The following ATG2A variants were observed in gnomAD, a reference collection of about 807,000 sequenced individuals.
The protein encoded by ATG2A is autophagy-related protein 2 homolog A.
Under a neutral mutation model 214.2 loss-of-function variants are expected in ATG2A, and 103 were observed. That is an observed-to-expected ratio of 0.48 (90% CI 0.41 to 0.57). The LOEUF (loss-of-function observed/expected upper bound fraction) is 0.57, where lower values mean the gene tolerates loss of function less well. Among genes scored for constraint, ATG2A ranks in the 20% least tolerant of loss-of-function variants. The pLI is 0.00. For missense variants in ATG2A, 2,312 were observed against 2,613.2 expected, an observed-to-expected ratio of 0.88 and a Z score of 2.51; for synonymous variants, 1,160 against 1,142.1, an observed-to-expected ratio of 1.02 and a Z score of -0.32.
chr11:64,907,520 C>T lies in ATG2A; in HGVS notation c.2647+5G>A. The T allele has an allele frequency of 6.2e-7, 1 of 1,612,764 alleles. No individual in the cohort carries two copies. Among genetic ancestry groups the T allele is most frequent in the Non-Finnish European group, 8.5e-7 (1 of 1,179,716 alleles). The stretch of plus-strand genomic sequence containing the variant: ...CCTCTAGCCCAGCGTTAGCACCTCT[C>T]ATACCCAGCTTGAAGGCTGACTTGC... On this transcript the variant is annotated splice_donor_5th_base_variant and intron_variant, in intron 18 of 40. Transcript: ENST00000377264.
chr11:64,899,271 G>A (rs1443993665), intron 31 of ATG2A, among the ~76,000 whole-genome samples: 1 of 152,134 alleles, frequency 6.6e-6, no homozygotes, highest in African/African-American at 2.4e-5. Flanking sequence ...CCCTGCTCTT[G>A]CTTCCCATGC....
chr11:64,900,555 CA>C lies in ATG2A; in HGVS notation c.4402del (p.Trp1468GlyfsTer19). On this transcript the variant is annotated frameshift_variant, in exon 31 of 41. Coordinates refer to ENST00000377264, the MANE Select transcript of ATG2A (RefSeq NM_015104.3). LOFTEE classifies it high-confidence loss of function. ...CSGPNRPQNSWRTQGGSGRQH... is the reference protein window; with the variant it reads ...CSGPNRPQNSXRTQGGSGRQH... The stretch of plus-strand genomic sequence containing the variant: ...CCGCCCGCTGCCCCCCTGCGTGCGC[CA>C]TGAGTTCTGGGGCCGGTTGGGGCCA... The C allele has an allele frequency of 6.2e-7, 1 of 1,613,454 alleles. No homozygotes were observed. Among genetic ancestry groups the C allele is most frequent in the Non-Finnish European group, 8.5e-7 (1 of 1,180,022 alleles).
chr11:64,910,174 C>A lies in ATG2A; in HGVS notation c.1729G>T (p.Ala577Ser). ...GCCAGTTCTGAGTGGCAATGGCAGG[C>A]AACTGAGCGCCGGGGTCGGCTCTGA... ...VPKSRPRRSV[A>S]CHCHSELALD... The change falls in exon 13 of 41, where the codon GCC becomes TCC. Residue 577 changes from alanine (A) to serine (S), a missense_variant. Transcript: ENST00000377264. 1.2e-6 allele frequency: 2 copies of A among 1,605,830 alleles called. No homozygotes were observed. Among genetic ancestry groups the A allele is most frequent in the Non-Finnish European group, 1.7e-6 (2 of 1,176,800 alleles).
In ATG2A at chr11:64,913,489, G is replaced by C. The variant is rs547244547; in HGVS notation, c.591-88C>G. The C allele has an allele frequency of 2.2e-5, 32 of 1,434,446 alleles. No individual in the cohort carries two copies. In the African/African-American group the frequency reaches 3.3e-4, roughly 15 times the overall value. 88.9% of individuals were successfully genotyped at this position (1,434,446 alleles called of 1,614,324 possible). A position where few individuals can be genotyped will look rare whatever the true frequency, so the allele number is the denominator to read the frequency against. ...CAGTGCTCTGCTCTAGGGGCACGGG[G>C]TCAGGGAGCCTAGCCTGCAGAGCTG... On this transcript the variant is annotated intron_variant, in intron 4 of 40. Coordinates refer to ENST00000377264, the MANE Select transcript of ATG2A (RefSeq NM_015104.3). The surrounding 1 kb of genome is among the most constrained non-coding windows in gnomAD (Gnocchi z 4.3).
At position 64,913,119 on chromosome 11, in the gene ATG2A, G is replaced by A. The variant is rs746665485; in HGVS notation, c.744C>T (p.Pro248=). Residue 248 remains proline (P), a synonymous_variant, in exon 6 of 41, where the codon CCC becomes CCT. Coordinates refer to ENST00000377264, the MANE Select transcript of ATG2A (RefSeq NM_015104.3). The surrounding 1 kb of genome is among the most constrained non-coding windows in gnomAD (Gnocchi z 4.3). The part of the protein sequence containing the change: ...ELPAQEEPPE[P]PLQIGSCSGY... ...CTGAGCAGCTGCCGATCTGCAAGGG[G>A]GGCTCTGGAGGCTCTTCCTGGGAGA... 1.8e-5 allele frequency: 29 copies of A among 1,578,880 alleles called. 1 individual carries two copies. In the South Asian group the frequency reaches 3.1e-4, roughly 17 times the overall value.
chr11:64,903,566 G>T lies in ATG2A; in HGVS notation c.3535+24C>A, dbSNP rs1173121747. On this transcript the variant is annotated intron_variant, in intron 25 of 40. Coordinates refer to ENST00000377264, the MANE Select transcript of ATG2A (RefSeq NM_015104.3). This position sits in a 1 kb window ranked among gnomAD's most constrained non-coding sequence, Gnocchi z 4.2. ...GGGCGGTGGTCCCTCAGAGGGGAGG[G>T]AGCCCAGTCCCGGCCCTGCCCACCT... The T allele has an allele frequency of 1.3e-6, 2 of 1,536,362 alleles. No individual in the cohort carries two copies. Among genetic ancestry groups the T allele is most frequent in the Non-Finnish European group, 1.8e-6 (2 of 1,137,582 alleles).
At position 64,894,729 on chromosome 11, in the gene ATG2A, TG is replaced by T. The variant is rs1332706978; in HGVS notation, c.*243del. 4 of 699,008 alleles carry T rather than the reference TG, an allele frequency of 5.7e-6. 1 individual carries two copies. The South Asian group carries it at 6.0e-5, about 10-fold the overall frequency. 43.3% of individuals were successfully genotyped at this position (699,008 alleles called of 1,614,324 possible). A position where few individuals can be genotyped will look rare whatever the true frequency, so the allele number is the denominator to read the frequency against. ...TCCGTCCTGGGAGAAGGCAGCAGTG[TG>T]GGCCCAGGTCGGGGGAGGGGCAGTG... On this transcript the variant is annotated 3_prime_UTR_variant, in exon 41 of 41. Coordinates refer to ENST00000377264, the MANE Select transcript of ATG2A (RefSeq NM_015104.3).
At position 64,898,204 on chromosome 11, in the gene ATG2A, C is replaced by T. The variant is rs1944224151; in HGVS notation, c.4774-34G>A. The T allele has an allele frequency of 6.8e-6, 11 of 1,613,818 alleles. No homozygotes were observed. Among genetic ancestry groups the T allele is most frequent in the Non-Finnish European group, 6.8e-6 (8 of 1,179,804 alleles). On this transcript the variant is annotated intron_variant, in intron 33 of 40. Transcript: ENST00000377264. This position sits in a 1 kb window ranked among gnomAD's most constrained non-coding sequence, Gnocchi z 4.5. ...GAGAGGTCCAGATGTGGATCAGACT[C>T]AGAGGCCTGGAGACAGTGGGGTCAC...
chr11:64,912,569 C>A (rs1944817163), intron 6 of ATG2A, 146 bp from the exon 7 acceptor site: 2 of 636,872 alleles, frequency 3.1e-6, no homozygotes, highest in Admixed American at 6.4e-5. Flanking sequence ...AACCAGGCCA[C>A]AACTTGACCT....
Position 64,896,600 on chromosome 11 carries a change from G to A in ATG2A, c.5289C>T (p.Asp1763=), listed in dbSNP as rs1208793979. The A allele has an allele frequency of 1.2e-6, 2 of 1,613,946 alleles. No homozygotes were observed. Among genetic ancestry groups the A allele is most frequent in the Admixed American group, 3.3e-5 (2 of 60,030 alleles). ...SVVQLFQGFR[D]LLWLPIEQYR... ...ACTGCTCAATGGGCAGCCACAGCAGGTCCCGGAACCCTTGGACTAGGGGGA... is the reference window on the plus strand; with the variant it reads ...ACTGCTCAATGGGCAGCCACAGCAGATCCCGGAACCCTTGGACTAGGGGGA... The change falls in exon 39 of 41, where the codon GAC becomes GAT. Residue 1763 remains aspartate (D), a synonymous_variant. Transcript: ENST00000377264.
chr11:64,912,816 C>A (rs1424820880), intron 6 of ATG2A: 2 of 506,774 alleles, frequency 3.9e-6, no homozygotes, highest in East Asian at 3.6e-5. Context: ...TGGTCTCGAA[C>A]TCCTGACCTC....
chr11:64,900,148 A>G (rs760194167), intron 31 of ATG2A, among the ~76,000 whole-genome samples: 5 of 151,256 alleles, frequency 3.3e-5, no homozygotes, highest in Non-Finnish European at 5.9e-5. Flanking sequence ...TTACAGGCAT[A>G]AGCCACCATG....
At chr11:64,909,231 A>C in intron 15 of ATG2A, 40 bp downstream of exon 15, 1 of 1,612,020 alleles carries the variant, frequency 6.2e-7, no homozygotes, top group South Asian at 1.1e-5. Context: ...CCCCCAGCAG[A>C]ACCCTCCTCT....
In ATG2A at chr11:64,907,529, C is replaced by G. The variant is rs1213707512; in HGVS notation, c.2643G>C (p.Lys881Asn). ...CAGCGTTAGCACCTCTCATACCCAGCTTGAAGGCTGACTTGCACATCTTAA... is the reference window on the plus strand; with the variant it reads ...CAGCGTTAGCACCTCTCATACCCAGGTTGAAGGCTGACTTGCACATCTTAA... ...DSFKMCKSAF[K>N]LANCFDLTPD... The change falls in exon 18 of 41, where the codon AAG becomes AAC. Residue 881 changes from lysine (K) to asparagine (N), a missense_variant. Lys to Asn is a moderately conservative substitution (Grantham distance 94). Transcript: ENST00000377264. 1 of 1,612,568 alleles carries G rather than the reference C, an allele frequency of 6.2e-7. No individual in the cohort carries two copies. The highest frequency in any genetic ancestry group is 2.2e-5 in the East Asian group (1 of 44,850).
chr11:64,905,444 T>C (rs1195678571), intron 24 of ATG2A, 119 bp downstream of exon 24: 2 of 1,129,326 alleles, frequency 1.8e-6, no homozygotes, highest in Non-Finnish European at 2.6e-6. Context: ...TCCACATTCC[T>C]GAGAATGAGA....
At position 64,907,637 on chromosome 11, in the gene ATG2A, C is replaced by T; in HGVS notation, c.2535G>A (p.Glu845=). 6.3e-7 allele frequency: 1 copy of T among 1,597,286 alleles called. No individual in the cohort carries two copies. The highest frequency in any genetic ancestry group is 8.5e-7 in the Non-Finnish European group (1 of 1,171,704). ...CGGGGGTGGGAAGCAGATCTGCAGG[C>T]TCCCACATGAGCAGGTCGTTGTTGA... is the stretch of plus-strand genomic sequence containing the variant. ...NRINNDLLMW[E]PADLLPTPDP... The change falls in exon 18 of 41, where the codon GAG becomes GAA. Residue 845 remains glutamate (E), a synonymous_variant. Transcript: ENST00000377264.
intron 36 of ATG2A, 73 bp downstream of exon 36, chr11:64,897,598 C>T (rs1944200076): frequency 6.2e-7 from 1 of 1,608,910 alleles, no homozygotes; most frequent in Non-Finnish European, 8.5e-7. Context: ...TGCCTGGATG[C>T]AAGACCTGGC....
intron 30 of ATG2A, 35 bp downstream of exon 30, chr11:64,900,849 T>C: frequency 6.5e-7 from 1 of 1,542,392 alleles, no homozygotes; most frequent in South Asian, 1.2e-5. Context: ...AGCCCCAACC[T>C]TCACCAGCTG....
Position 64,897,446 on chromosome 11 carries a change from CGGAGCAGTTGAGTTG to C in ATG2A, c.5101_5115del (p.Gln1701_Ser1705del). On this transcript the variant is annotated inframe_deletion, in exon 37 of 41. Transcript: ENST00000377264. ...CAACAGAGCCGCTTTAGCTTCAGCT[CGGAGCAGTTGAGTTG>C]GGCCAGGCCGATGAGGAGGCCAGCA... 1 of 1,573,748 alleles carries C rather than the reference CGGAGCAGTTGAGTTG, an allele frequency of 6.4e-7. No individual in the cohort carries two copies. The highest frequency in any genetic ancestry group is 8.6e-7 in the Non-Finnish European group (1 of 1,159,324).
Sources: allele counts gnomAD v4.1 joint callset (sites outside exome capture counted in the v4.1 genomes callset), GRCh38; gene constraint gnomAD v4.1.1; non-coding constraint Gnocchi (gnomAD v3.1); transcripts MANE v1.5; gene names NCBI Gene and HGNC (gene_info 2026-07-23, HGNC 2026-07-21).